The following CENPK variants were observed in gnomAD, a reference collection of about 807,000 sequenced individuals.
CENPK encodes the protein centromere protein K.
In CENPK, 46 loss-of-function variants were observed where a neutral mutation model predicts 40.9. That is an observed-to-expected ratio of 1.13 (90% CI 0.89 to 1.44). The LOEUF (loss-of-function observed/expected upper bound fraction) is 1.44. CENPK is among the 40% of genes most tolerant of loss of function. CENPK has a pLI of 0.00. For missense variants in CENPK, 288 were observed against 303.5 expected (o/e 0.95, Z 0.38); for synonymous variants, 107 against 104.4 (o/e 1.02, Z -0.15).
intron 6 of CENPK, among the ~76,000 whole-genome samples, chr5:65,534,435 T>A (rs1240723066): frequency 6.6e-6 from 1 of 152,166 alleles, no homozygotes; most frequent in African/African-American, 2.4e-5. Flanking sequence ...GTTAGAGAAT[T>A]CATAATACTT....
chr5:65,531,185 A>G (rs921980277), intron 6 of CENPK, among the ~76,000 whole-genome samples: 6 of 152,080 alleles, frequency 3.9e-5, no homozygotes, highest in African/African-American at 1.4e-4. Flanking sequence ...GAAAAATATA[A>G]ATCAATAACA....
At chr5:65,503,188 C>T in the CENPK span, among the ~76,000 whole-genome samples, 3 of 147,868 alleles carry the variant, frequency 2.0e-5, no homozygotes, top group Non-Finnish European at 4.4e-5. Flanking sequence ...CAGCTCACTG[C>T]AAAATCTGCC....
intron 10 of CENPK, among the ~76,000 whole-genome samples, chr5:65,519,400 G>C (rs1207836138): frequency 6.6e-6 from 1 of 152,154 alleles, no homozygotes; most frequent in East Asian, 1.9e-4. Flanking sequence ...ATGAAATACA[G>C]TGGAAAAACG....
At chr5:65,512,963 T>C (rs1170472092), downstream of CENPK, among the ~76,000 whole-genome samples, 1 of 152,176 alleles carries the variant, frequency 6.6e-6, no homozygotes, top group Non-Finnish European at 1.5e-5. Context: ...GCTTATTTGC[T>C]ATCTATATAT....
In CENPK at chr5:65,518,506, G is replaced by C. The variant is rs762026997; in HGVS notation, c.779C>G (p.Thr260Ser). 8.1e-6 allele frequency: 13 copies of C among 1,612,484 alleles called. No individual in the cohort carries two copies. The Admixed American group carries it at 1.5e-4, about 19-fold the overall frequency. Residue 260 changes from threonine to serine, a missense_variant, in exon 11 of 11, where the codon ACC becomes AGC. Transcript: ENST00000396679. ...GIALRHPEDP[T>S]RIRLEAFHQ ...ATGGAAAGCTTCTAATCTTATTCGG[G>C]TTGGATCTTCTGGATGTCTCAAGGC...
intron 2 of CENPK, among the ~76,000 whole-genome samples, chr5:65,556,426 G>A (rs931682792): frequency 1.3e-5 from 2 of 152,118 alleles, no homozygotes; most frequent in Non-Finnish European, 2.9e-5. Context: ...AGTAAGCTAT[G>A]ATCACACCAC....
the CENPK span, among the ~76,000 whole-genome samples, chr5:65,505,182 A>G: frequency 5.3e-5 from 8 of 152,134 alleles, no homozygotes; most frequent in African/African-American, 1.7e-4. Flanking sequence ...TTCTTGAGTA[A>G]TACTTTAGCT....
At position 65,518,453 on chromosome 5, in the gene CENPK, T is replaced by C. The variant is rs942422849; in HGVS notation, c.*22A>G. On this transcript the variant is annotated 3_prime_UTR_variant, in exon 11 of 11. Coordinates refer to ENST00000396679, the MANE Select transcript of CENPK (RefSeq NM_022145.5). ...CCTTGAATGATAAGAATTTTTACTG[T>C]GTGAAAAAAGAAAACATCCTTTTAC... is the stretch of plus-strand genomic sequence containing the variant. The C allele has an allele frequency of 3.1e-5, 49 of 1,596,272 alleles. No individual in the cohort carries two copies. Among genetic ancestry groups the C allele is most frequent in the Non-Finnish European group, 4.1e-5 (48 of 1,174,004 alleles).
Position 65,526,382 on chromosome 5 carries a change from A to G in CENPK, c.597+2070T>C, listed in dbSNP as rs547864094. ...GTAAAAAACAATAATAGAATGGAAGACACAGCCCATAACAAATGTAAAGCC... is the reference window on the plus strand; with the variant it reads ...GTAAAAAACAATAATAGAATGGAAGGCACAGCCCATAACAAATGTAAAGCC... On this transcript the variant is annotated intron_variant, in intron 9 of 10. Coordinates refer to ENST00000396679, the MANE Select transcript of CENPK (RefSeq NM_022145.5). Among the ~76,000 whole-genome samples the G allele has an allele frequency of 9.2e-5, 14 of 152,332 alleles. No individual in the cohort carries two copies. In the East Asian group the frequency reaches 2.5e-3, roughly 27 times the overall value.
At chr5:65,516,453 G>C (rs946829262), downstream of CENPK, among the ~76,000 whole-genome samples, 3 of 152,112 alleles carry the variant, frequency 2.0e-5, no homozygotes, top group Admixed American at 6.5e-5. Flanking sequence ...CCACCATCAT[G>C]TGAATTGGCT....
At position 65,518,375 on chromosome 5, in the gene CENPK, G is replaced by T. The variant is rs978818163; in HGVS notation, c.*100C>A. 7.0e-6 allele frequency: 8 copies of T among 1,150,492 alleles called. No individual in the cohort carries two copies. The highest frequency in any genetic ancestry group is 5.0e-6 in the Non-Finnish European group (4 of 797,802). The allele number at this position is 1,150,492 out of a possible 1,614,324, so 71.3% of individuals were successfully genotyped here. A position where few individuals can be genotyped will look rare whatever the true frequency, so the allele number is the denominator to read the frequency against. ...GCAATAAAAGTAAGATGGCCTATGC[G>T]CATTAATTTGCAAATAATGTTTTTT... is the stretch of plus-strand genomic sequence containing the variant. On this transcript the variant is annotated 3_prime_UTR_variant, in exon 11 of 11. Coordinates refer to ENST00000396679, the MANE Select transcript of CENPK (RefSeq NM_022145.5).
chr5:65,509,326 C>CACTG, the CENPK span, among the ~76,000 whole-genome samples: 1 of 152,164 alleles, frequency 6.6e-6, no homozygotes, highest in Non-Finnish European at 1.5e-5. Context: ...CTCTGGCAAC[C>CACTG]ACTGATATTT....
At chr5:65,510,257 G>A in the CENPK span, among the ~76,000 whole-genome samples, 1 of 152,174 alleles carries the variant, frequency 6.6e-6, no homozygotes, top group South Asian at 2.1e-4. Context: ...AAAATTAAAA[G>A]TCCTGCTCTA....
the CENPK span, among the ~76,000 whole-genome samples, chr5:65,502,595 A>C: frequency 6.6e-6 from 1 of 151,944 alleles, no homozygotes; most frequent in Non-Finnish European, 1.5e-5. Flanking sequence ...TAACATGAAG[A>C]GTCTTTTTTT....
At chr5:65,559,630 GAAAA>G (rs1166225346) in intron 2 of CENPK, among the ~76,000 whole-genome samples, 1 of 37,670 alleles carries the variant, frequency 2.7e-5, no homozygotes, top group Non-Finnish European at 6.1e-5. Flanking sequence ...CTCCGTCTCA[GAAAA>G]AAAAAAAAAA....
At chr5:65,502,096 T>C in the CENPK span, among the ~76,000 whole-genome samples, 5 of 152,164 alleles carry the variant, frequency 3.3e-5, no homozygotes, top group African/African-American at 1.2e-4. Flanking sequence ...GAAGCTGAGG[T>C]CCACTACTTT....
intron 6 of CENPK, among the ~76,000 whole-genome samples, chr5:65,530,992 AAAAGAAAGAT>A (rs1162076224): frequency 6.6e-6 from 1 of 152,178 alleles, no homozygotes; most frequent in Non-Finnish European, 1.5e-5. Context: ...AAACAGGATG[AAAAGAAAGAT>A]AAATCAAGGC....
chr5:65,512,393 AAG>A, the CENPK span, among the ~76,000 whole-genome samples: 3 of 152,054 alleles, frequency 2.0e-5, no homozygotes, highest in Non-Finnish European at 4.4e-5. Flanking sequence ...TTGTGAAAGT[AAG>A]AGTCAATCGA....
At chr5:65,526,080 T>TA (rs1744658633) in intron 9 of CENPK, among the ~76,000 whole-genome samples, 2 of 152,186 alleles carry the variant, frequency 1.3e-5, no homozygotes, top group Admixed American at 6.5e-5. Context: ...TTATACATCA[T>TA]AAAAAAAGAA....
Sources: allele counts gnomAD v4.1 joint callset (sites outside exome capture counted in the v4.1 genomes callset), GRCh38; gene constraint gnomAD v4.1.1; transcripts MANE v1.5; gene names NCBI Gene and HGNC (gene_info 2026-07-23, HGNC 2026-07-21).